Variants in TMEM132C observed in about 807,000 individuals in gnomAD.
The protein encoded by TMEM132C is transmembrane protein 132C.
A neutral mutation model predicts 61.4 loss-of-function variants in TMEM132C; 29 were observed. The observed-to-expected ratio is 0.47, with a 90% CI of 0.35 to 0.64. The LOEUF (loss-of-function observed/expected upper bound fraction) is 0.64, where lower values mean the gene tolerates loss of function less well. Ranked by LOEUF, TMEM132C falls within the 30% of genes least tolerant of loss-of-function variation. The probability of loss-of-function intolerance (pLI) is 0.00; values close to 1 mark genes in which losing one functional copy is unlikely to be tolerated. For missense variants in TMEM132C, 1,408 were observed against 1,476.9 expected (o/e 0.95, Z 0.76); for synonymous variants, 656 against 633.1 (o/e 1.04, Z -0.54).
At chr12:128,382,384 GCTGA>G (rs1172585028) in intron 1 of TMEM132C, among the ~76,000 whole-genome samples, 2 of 152,156 alleles carry the variant, frequency 1.3e-5, no homozygotes, top group East Asian at 1.9e-4. Context: ...TCGAGATAGC[GCTGA>G]CTGATAGAAC....
chr12:128,323,734 C>T (rs1490773260), intron 1 of TMEM132C, among the ~76,000 whole-genome samples: 4 of 152,184 alleles, frequency 2.6e-5, no homozygotes, highest in African/African-American at 7.2e-5. Context: ...TGCAAGACAC[C>T]GTCCTGGAGG....
chr12:128,548,665 A>C (rs527631945), intron 3 of TMEM132C, among the ~76,000 whole-genome samples: 1 of 152,310 alleles, frequency 6.6e-6, no homozygotes. Context: ...ATCATGCCAC[A>C]TAAAAAAACC....
At chr12:128,382,776 G>T (rs1009408446) in intron 1 of TMEM132C, among the ~76,000 whole-genome samples, 1 of 152,128 alleles carries the variant, frequency 6.6e-6, no homozygotes, top group Non-Finnish European at 1.5e-5. Context: ...CTAATTTTCT[G>T]CTAAAACACA....
At chr12:128,403,521 C>T (rs1300809445) in intron 1 of TMEM132C, among the ~76,000 whole-genome samples, 2 of 152,046 alleles carry the variant, frequency 1.3e-5, no homozygotes, top group Non-Finnish European at 2.9e-5. Flanking sequence ...GTTTTAAAAG[C>T]TTGTTACTAT....
chr12:128,550,306 CTT>C (rs542256385), intron 3 of TMEM132C, among the ~76,000 whole-genome samples: 4 of 143,100 alleles, frequency 2.8e-5, no homozygotes, highest in Non-Finnish European at 3.1e-5. Flanking sequence ...GGTGTCTTGT[CTT>C]TTTTTTTTTT....
intron 3 of TMEM132C, among the ~76,000 whole-genome samples, chr12:128,604,368 G>T (rs1438711344): frequency 6.6e-6 from 1 of 151,438 alleles, no homozygotes; most frequent in African/African-American, 2.4e-5. Context: ...GGATAATAGA[G>T]GGATAGATAG....
intron 1 of TMEM132C, among the ~76,000 whole-genome samples, chr12:128,413,916 T>C (rs1027522031): frequency 6.6e-6 from 1 of 152,240 alleles, no homozygotes. Flanking sequence ...ATTGTGAAGC[T>C]CTTCCTAAAC....
chr12:128,402,820 A>T (rs572958567), intron 1 of TMEM132C, among the ~76,000 whole-genome samples: 4 of 152,208 alleles, frequency 2.6e-5, no homozygotes, highest in African/African-American at 9.7e-5. Flanking sequence ...CTCTGTGCCT[A>T]CCTAGGGCAC....
At chr12:128,363,764 G>A (rs530888861) in intron 1 of TMEM132C, among the ~76,000 whole-genome samples, 64 of 148,358 alleles carry the variant, frequency 4.3e-4, no homozygotes, top group African/African-American at 1.4e-3. Flanking sequence ...AAAATAACTC[G>A]AACCCAGAAG....
intron 2 of TMEM132C, among the ~76,000 whole-genome samples, chr12:128,532,343 G>T (rs1320731307): frequency 6.8e-6 from 1 of 146,772 alleles, no homozygotes; most frequent in African/African-American, 2.5e-5. Flanking sequence ...CTTTTCTAAA[G>T]AAAAAAAAAA....
chr12:128,405,428 C>T (rs1160346971), intron 1 of TMEM132C, among the ~76,000 whole-genome samples: 1 of 152,102 alleles, frequency 6.6e-6, no homozygotes, highest in African/African-American at 2.4e-5. Flanking sequence ...GTTGGAGGTT[C>T]CTGGACATGG....
rs531152784 is a variant in TMEM132C at position 128,568,789 on chromosome 12, A to G, written c.1121+24686A>G. On this transcript the variant is annotated intron_variant, in intron 3 of 8. Transcript: ENST00000435159. Reference sequence around the variant, plus strand: ...TGAAACCCCGAGCCCCGTGTCCCTCAGCTTTCTACTAACAAGATCCAAAGT... The same window carrying G: ...TGAAACCCCGAGCCCCGTGTCCCTCGGCTTTCTACTAACAAGATCCAAAGT... 5.3e-5 allele frequency among the ~76,000 whole-genome samples: 8 copies of G among 152,358 alleles called. No individual in the cohort carries two copies. The South Asian group carries it at 6.2e-4, about 12-fold the overall frequency.
chr12:128,361,547 A>G (rs1434731025), intron 1 of TMEM132C, among the ~76,000 whole-genome samples: 4 of 152,178 alleles, frequency 2.6e-5, no homozygotes, highest in East Asian at 1.9e-4. Flanking sequence ...ATACTTTGTA[A>G]TTGGGAAAAG....
At position 128,415,048 on chromosome 12, in the gene TMEM132C, C is replaced by G. The variant is rs1868713845; in HGVS notation, c.402C>G (p.His134Gln). The G allele has an allele frequency of 6.3e-7, 1 of 1,584,544 alleles. No homozygotes were observed. The highest frequency in any genetic ancestry group is 8.6e-7 in the Non-Finnish European group (1 of 1,165,062). ...GTTTTGATTGGAAACTAAAAGCCCA[C>G]ATCCTGCGGGACAAAGTCTACCTGA... is the stretch of plus-strand genomic sequence containing the variant. The part of the protein sequence containing the change: ...KFSFDWKLKA[H>Q]ILRDKVYLSR... Residue 134 changes from histidine to glutamine, a missense_variant, in exon 2 of 9, where the codon CAC becomes CAG. Transcript: ENST00000435159. This position sits in a 1 kb window ranked among gnomAD's most constrained non-coding sequence, Gnocchi z 5.8.
chr12:128,515,393 A>G (rs1440321943), intron 2 of TMEM132C, among the ~76,000 whole-genome samples: 1 of 152,210 alleles, frequency 6.6e-6, no homozygotes, highest in Non-Finnish European at 1.5e-5. Context: ...GCCAGTGAGG[A>G]TGGCCAAATA....
Position 128,570,025 on chromosome 12 carries a change from G to A in TMEM132C, c.1121+25922G>A, listed in dbSNP as rs143115951. ...CTCTTTTATTATCATTGCCGTTAAC[G>A]TGAGAAGTGAAAGGAGAGATGGAGA... On this transcript the variant is annotated intron_variant, in intron 3 of 8. Transcript: ENST00000435159. The surrounding 1 kb of genome is among the most constrained non-coding windows in gnomAD (Gnocchi z 4.7). Among the ~76,000 whole-genome samples, 6 of 152,124 alleles carry A rather than the reference G, an allele frequency of 3.9e-5. No individual in the cohort carries two copies. Among genetic ancestry groups the A allele is most frequent in the East Asian group, 1.9e-4 (1 of 5,182 alleles).
intron 1 of TMEM132C, among the ~76,000 whole-genome samples, chr12:128,352,573 T>G (rs2135963906): frequency 6.6e-6 from 1 of 152,226 alleles, no homozygotes; most frequent in South Asian, 2.1e-4. Context: ...TGACCAAATA[T>G]CTGGACACCT....
chr12:128,294,715 G>A (rs1206076245), intron 1 of TMEM132C, among the ~76,000 whole-genome samples: 4 of 152,014 alleles, frequency 2.6e-5, no homozygotes, highest in African/African-American at 9.7e-5. Context: ...CACAGTGGAG[G>A]GGAGAGGAAT....
chr12:128,380,559 G>A (rs561421286), intron 1 of TMEM132C, among the ~76,000 whole-genome samples: 1 of 152,336 alleles, frequency 6.6e-6, no homozygotes, highest in East Asian at 1.9e-4. Context: ...TTCACGGTAG[G>A]TATCTTCTAT....
Sources: gnomAD v4.1 joint callset for allele counts (sites outside exome capture counted in the v4.1 genomes callset) on GRCh38, gnomAD v4.1.1 for gene constraint, Gnocchi (gnomAD v3.1) non-coding constraint, MANE v1.5 for transcripts, NCBI Gene and HGNC (gene_info 2026-07-23, HGNC 2026-07-21) for gene names.